BTRC: variants seen among roughly 807,000 people sequenced by gnomAD.
The protein encoded by BTRC is beta-transducin repeat containing E3 ubiquitin protein ligase, also known as F-box/WD repeat-containing protein 1A.
In BTRC, 42 loss-of-function variants were observed where a neutral mutation model predicts 85.5. That is an observed-to-expected ratio of 0.49 (90% CI 0.38 to 0.64). BTRC has a LOEUF of 0.64. Among genes scored for constraint, BTRC ranks in the 30% least tolerant of loss-of-function variants. The pLI is 0.00. For synonymous variants in BTRC, 255 were observed against 263.3 expected (o/e 0.97, Z 0.30); for missense variants, 594 against 743.5 (o/e 0.80, Z 2.34).
At chr10:101,356,057 C>T (rs1037561419) in intron 1 of BTRC, among the ~76,000 whole-genome samples, 14 of 152,206 alleles carry the variant, frequency 9.2e-5, no homozygotes, top group Admixed American at 5.2e-4. Context: ...CTTGCTTTGT[C>T]GCCCAGGCTG....
intron 3 of BTRC, among the ~76,000 whole-genome samples, chr10:101,478,500 A>C (rs1387039120): frequency 6.6e-6 from 1 of 151,770 alleles, no homozygotes; most frequent in Admixed American, 6.6e-5. Context: ...TCTGAATAAG[A>C]AACATGTCAG....
At chr10:101,403,717 A>G (rs1943544309) in intron 1 of BTRC, among the ~76,000 whole-genome samples, 1 of 151,876 alleles carries the variant, frequency 6.6e-6, no homozygotes, top group African/African-American at 2.4e-5. Flanking sequence ...CAGCCCCTCA[A>G]GTAGCTGGGA....
At chr10:101,356,435 ACTTAATCTCTG>A (rs775117789) in intron 1 of BTRC, among the ~76,000 whole-genome samples, 1 of 152,232 alleles carries the variant, frequency 6.6e-6, no homozygotes, top group Non-Finnish European at 1.5e-5. Context: ...ATTCTCAGCT[ACTTAATCTCTG>A]CTTTGTACCA....
At chr10:101,532,215 A>G (rs2134411429) in intron 7 of BTRC, 80 bp from the exon 8 acceptor site, 1 of 1,459,396 alleles carries the variant, frequency 6.9e-7, no homozygotes, top group Non-Finnish European at 9.2e-7. Context: ...GCATTGAGCC[A>G]TTGATTGTCA....
chr10:101,550,823 G>A lies in BTRC; in HGVS notation c.1781G>A (p.Arg594His), dbSNP rs141030727. 143 of 1,613,600 alleles carry A rather than the reference G, an allele frequency of 8.9e-5. No homozygotes were observed. The highest frequency in any genetic ancestry group is 1.6e-4 in the Middle Eastern group (1 of 6,082). ...NDPAAQAEPP[R>H]SPSRTYTYIS... Reference sequence around the variant, plus strand: ...CCAGCTGCCCAAGCTGAACCCCCCCGTTCCCCTTCTCGAACATACACCTAC... The same window carrying A: ...CCAGCTGCCCAAGCTGAACCCCCCCATTCCCCTTCTCGAACATACACCTAC... The change falls in exon 14 of 15, where the codon CGT becomes CAT. Residue 594 changes from arginine to histidine, a missense_variant. Physicochemically the swap from Arg to His is conservative, Grantham distance 29. Around this residue, in one of 4 missense-constraint regions of BTRC, gnomAD observed 56 missense variants for 39.6 expected, o/e 1.41. Transcript: ENST00000370187.
intron 1 of BTRC, among the ~76,000 whole-genome samples, chr10:101,359,853 G>A (rs1942151267): frequency 2.0e-5 from 3 of 152,128 alleles, no homozygotes. Context: ...GCCCGCCTTG[G>A]CCTCCCAAAG....
chr10:101,483,180 G>A (rs1945887213), intron 4 of BTRC, among the ~76,000 whole-genome samples: 2 of 151,928 alleles, frequency 1.3e-5, no homozygotes, highest in South Asian at 4.2e-4. Context: ...CTATACGAAG[G>A]GTACCAATTA....
intron 3 of BTRC, among the ~76,000 whole-genome samples, chr10:101,467,936 T>G (rs1271949963): frequency 6.6e-6 from 1 of 152,228 alleles, no homozygotes; most frequent in Non-Finnish European, 1.5e-5. Context: ...AATGTAGGTC[T>G]CTTAAGTAAG....
intron 2 of BTRC, among the ~76,000 whole-genome samples, chr10:101,446,533 G>C (rs560785759): frequency 6.6e-6 from 1 of 152,248 alleles, no homozygotes; most frequent in African/African-American, 2.4e-5. Flanking sequence ...ATGAAAATTT[G>C]AGGCATTACA....
In BTRC at chr10:101,532,968, C is replaced by A; in HGVS notation, c.995C>A (p.Thr332Lys). 6.2e-7 allele frequency: 1 copy of A among 1,611,920 alleles called. No homozygotes were observed. The highest frequency in any genetic ancestry group is 8.5e-7 in the Non-Finnish European group (1 of 1,178,488). The change falls in exon 9 of 15, where the codon ACA becomes AAA. Residue 332 changes from threonine to lysine, a missense_variant. Thr to Lys is a moderately conservative substitution (Grantham distance 78, BLOSUM62 -1). This residue lies in a region of BTRC where 373 missense variants were observed against 503.6 expected (regional missense o/e 0.74). Coordinates refer to ENST00000370187, the MANE Select transcript of BTRC (RefSeq NM_033637.4). ...CCATCCTAGATCTGGGATAAAAACA[C>A]ATTGGAATGCAAGCGAATTCTCACA... ...DNTIKIWDKN[T>K]LECKRILTGH...
chr10:101,399,732 A>T (rs1259479272), intron 1 of BTRC, among the ~76,000 whole-genome samples: 1 of 152,240 alleles, frequency 6.6e-6, no homozygotes, highest in Non-Finnish European at 1.5e-5. Flanking sequence ...ATTGGTGTCT[A>T]AAGTAGGCAA....
intron 1 of BTRC, among the ~76,000 whole-genome samples, chr10:101,420,141 A>G (rs962482283): frequency 6.6e-6 from 1 of 151,468 alleles, no homozygotes; most frequent in Non-Finnish European, 1.5e-5. Context: ...GCTTACAACA[A>G]CATCCTCAAT....
Position 101,362,252 on chromosome 10 carries a change from C to T in BTRC, c.48+8024C>T, listed in dbSNP as rs187164346. ...GATTACAGCTGTGAGCCACCGTGCC[C>T]GGCCTTGAGTTGGAATTTCTTTCTA... On this transcript the variant is annotated intron_variant, in intron 1 of 14. Transcript: ENST00000370187. 4.8e-3 allele frequency among the ~76,000 whole-genome samples: 723 copies of T among 152,044 alleles called. 35 individuals are homozygous for T. The highest frequency in any genetic ancestry group is 0.043 in the Admixed American group (662 of 15,258).
intron 4 of BTRC, among the ~76,000 whole-genome samples, chr10:101,492,084 A>G (rs1946148271): frequency 6.6e-6 from 1 of 152,222 alleles, no homozygotes; most frequent in Admixed American, 6.5e-5. Flanking sequence ...ACACTTGCTC[A>G]ACATGGAGCA....
At chr10:101,486,813 T>A (rs1214061067) in intron 4 of BTRC, among the ~76,000 whole-genome samples, 1 of 152,178 alleles carries the variant, frequency 6.6e-6, no homozygotes. Flanking sequence ...CCAGGACAAA[T>A]CTTTTGAAGA....
chr10:101,357,388 C>A (rs1942068333), intron 1 of BTRC, among the ~76,000 whole-genome samples: 1 of 137,176 alleles, frequency 7.3e-6, no homozygotes, highest in Admixed American at 8.5e-5. Flanking sequence ...TTGCAGTGAG[C>A]TGAGATCGTG....
intron 4 of BTRC, among the ~76,000 whole-genome samples, chr10:101,516,503 C>T (rs2062025653): frequency 6.6e-6 from 1 of 152,010 alleles, no homozygotes; most frequent in African/African-American, 2.4e-5. Context: ...CTTTCTGCCT[C>T]ATCAAAAAAA....
chr10:101,423,965 C>T (rs903187467), intron 1 of BTRC, among the ~76,000 whole-genome samples: 41 of 152,110 alleles, frequency 2.7e-4, no homozygotes, highest in African/African-American at 9.2e-4. Flanking sequence ...TGAGGTGGCT[C>T]GTGCCTGTAA....
chr10:101,455,983 A>ACAC (rs1554881061), intron 2 of BTRC, among the ~76,000 whole-genome samples: 3 of 96,000 alleles, frequency 3.1e-5, no homozygotes, highest in Non-Finnish European at 4.0e-5. Context: ...CTCTACTAAA[A>ACAC]ACACACACAC....
Sources: allele counts gnomAD v4.1 joint callset (sites outside exome capture counted in the v4.1 genomes callset), GRCh38; gene constraint gnomAD v4.1.1; regional missense constraint gnomAD v4.1.1; transcripts MANE v1.5; gene names NCBI Gene and HGNC (gene_info 2026-07-23, HGNC 2026-07-21).